The following GAN variants were observed in gnomAD, a reference collection of about 807,000 sequenced individuals.
GAN encodes epididymis secretory sperm binding protein.
Under a neutral mutation model 71.3 loss-of-function variants are expected in GAN, and 48 were observed. The observed-to-expected ratio is 0.67, with a 90% CI of 0.53 to 0.86. The LOEUF (loss-of-function observed/expected upper bound fraction) is 0.86, where lower values mean the gene tolerates loss of function less well. Ranked by LOEUF, GAN falls within the 40% of genes least tolerant of loss-of-function variation. GAN has a pLI of 0.00. For synonymous variants in GAN, 386 were observed against 276.8 expected (o/e 1.39, Z -3.92); for missense variants, 928 against 770.1 (o/e 1.21, Z -2.43).
At chr16:81,354,353 T>G (rs9936546) in intron 2 of GAN, 52 bp from the exon 3 acceptor site, 1 of 1,143,960 alleles carries the variant, frequency 8.7e-7, no homozygotes, top group Admixed American at 1.7e-5. Context: ...GTTAGTGGTT[T>G]GGGTTTTAAA....
intron 1 of GAN, among the ~76,000 whole-genome samples, chr16:81,350,240 G>A (rs183193601): frequency 5.6e-4 from 85 of 152,316 alleles, no homozygotes; most frequent in African/African-American, 2.0e-3. Context: ...GGGAAACGTG[G>A]CTACAAACAT....
chr16:81,361,204 G>A (rs568345262), intron 5 of GAN, among the ~76,000 whole-genome samples: 4 of 152,132 alleles, frequency 2.6e-5, no homozygotes, highest in East Asian at 1.9e-4. Context: ...CAGCCTGGGC[G>A]ACAGAGCAAG....
chr16:81,341,096 A>C (rs1909925876), intron 1 of GAN, among the ~76,000 whole-genome samples: 1 of 151,884 alleles, frequency 6.6e-6, no homozygotes, highest in Admixed American at 6.6e-5. Flanking sequence ...TTAGAGAAAA[A>C]AGGAGTGAAA....
chr16:81,339,074 A>G (rs1173970304), intron 1 of GAN, among the ~76,000 whole-genome samples: 1 of 152,350 alleles, frequency 6.6e-6, no homozygotes, highest in Admixed American at 6.5e-5. Flanking sequence ...CAAAATATTC[A>G]TCTGGGATTA....
Position 81,315,087 on chromosome 16 carries a change from C to A in GAN, c.-27C>A, listed in dbSNP as rs376334758. 2 of 1,464,968 alleles carry A rather than the reference C, an allele frequency of 1.4e-6. No homozygotes were observed. Among genetic ancestry groups the A allele is most frequent in the Non-Finnish European group, 1.8e-6 (2 of 1,102,732 alleles). The allele number at this position is 1,464,968 out of a possible 1,614,324, so 90.7% of individuals were successfully genotyped here. Reference sequence around the variant, plus strand: ...CGGCCGGACGGTGTCGGGAGCCGGACCCGTCGGCAGAGGAGCGGGCGCCGC... The same window carrying A: ...CGGCCGGACGGTGTCGGGAGCCGGAACCGTCGGCAGAGGAGCGGGCGCCGC... On this transcript the variant is annotated 5_prime_UTR_variant, in exon 1 of 11. Coordinates refer to ENST00000648994, the MANE Select transcript of GAN (RefSeq NM_022041.4).
chr16:81,315,150 G>A lies in GAN; in HGVS notation c.37G>A (p.Ala13Thr). ...CAGTGCCGTGTCTGACCCTCAGCAC[G>A]CCGCGCGTCTGCTGCGAGCGCTCAG... is the stretch of plus-strand genomic sequence containing the variant. ...EGSAVSDPQH[A>T]ARLLRALSSF... Residue 13 changes from alanine (A) to threonine (T), a missense_variant, in exon 1 of 11, where the codon GCC (alanine) becomes ACC (threonine). Ala to Thr is a moderately conservative substitution (Grantham distance 58). Coordinates refer to ENST00000648994, the MANE Select transcript of GAN (RefSeq NM_022041.4). The A allele has an allele frequency of 1.3e-6, 2 of 1,545,610 alleles. No homozygotes were observed. The highest frequency in any genetic ancestry group is 1.7e-6 in the Non-Finnish European group (2 of 1,148,006).
In GAN at chr16:81,354,645, C is replaced by A; in HGVS notation, c.523C>A (p.Pro175Thr). ...SSTEEFLELS[P>T]QKLKEVISLE... Reference sequence around the variant, plus strand: ...CACGGAAGAATTCTTAGAGCTGAGTCCTCAAAAGCTTAAAGAAGTGATTTC... The same window carrying A: ...CACGGAAGAATTCTTAGAGCTGAGTACTCAAAAGCTTAAAGAAGTGATTTC... The change falls in exon 3 of 11, where the codon CCT (proline) becomes ACT (threonine). Residue 175 changes from proline (P) to threonine (T), a missense_variant. Transcript: ENST00000648994. The A allele has an allele frequency of 6.2e-7, 1 of 1,612,852 alleles. No individual in the cohort carries two copies. Among genetic ancestry groups the A allele is most frequent in the Non-Finnish European group, 8.5e-7 (1 of 1,178,864 alleles).
intron 1 of GAN, among the ~76,000 whole-genome samples, chr16:81,318,303 T>C (rs1189023156): frequency 1.3e-5 from 2 of 152,214 alleles, no homozygotes; most frequent in Non-Finnish European, 2.9e-5. Context: ...TCTGATTTTG[T>C]TTAATGTCTG....
chr16:81,359,618 C>A (rs145299219), intron 5 of GAN, among the ~76,000 whole-genome samples: 1 of 152,192 alleles, frequency 6.6e-6, no homozygotes, highest in Middle Eastern at 3.4e-3. Context: ...TTTCCATTTT[C>A]CATACTCTTA....
chr16:81,368,651 C>T (rs1325279804), intron 9 of GAN, among the ~76,000 whole-genome samples: 4 of 152,160 alleles, frequency 2.6e-5, no homozygotes. Context: ...TACTTTGCAA[C>T]TCATCAGTTG....
At chr16:81,373,675 A>G (rs558856537) in intron 9 of GAN, among the ~76,000 whole-genome samples, 4 of 152,340 alleles carry the variant, frequency 2.6e-5, no homozygotes, top group South Asian at 2.1e-4. Flanking sequence ...CTCGGTTTCC[A>G]GATCCAATCC....
chr16:81,365,426 G>C lies in GAN; in HGVS notation c.1450G>C (p.Gly484Arg), dbSNP rs542067662. 6.2e-7 allele frequency: 1 copy of C among 1,613,704 alleles called. No individual in the cohort carries two copies. The highest frequency in any genetic ancestry group is 8.5e-7 in the Non-Finnish European group (1 of 1,179,924). ...GGVRSREDAQ[G>R]SEMVTCKSEF... ...AGTCCGAAGTCGTGAGGACGCCCAG[G>C]GTAGCGAGATGGTAACTTGCAAGTC... is the stretch of plus-strand genomic sequence containing the variant. The change falls in exon 9 of 11, where the codon GGT becomes CGT. Residue 484 changes from glycine to arginine, a missense_variant. Coordinates refer to ENST00000648994, the MANE Select transcript of GAN (RefSeq NM_022041.4).
intron 5 of GAN, among the ~76,000 whole-genome samples, chr16:81,358,725 A>G (rs1343832320): frequency 6.6e-6 from 1 of 152,206 alleles, no homozygotes; most frequent in African/African-American, 2.4e-5. Flanking sequence ...ACAAGTTTGA[A>G]AACTGCTCTA....
intron 5 of GAN, among the ~76,000 whole-genome samples, chr16:81,360,540 A>C (rs1597404708): frequency 6.7e-6 from 1 of 149,154 alleles, no homozygotes; most frequent in Admixed American, 6.6e-5. Flanking sequence ...TTTTCTCCTT[A>C]ACTCTGATTA....
At position 81,382,527 on chromosome 16, in the gene GAN, C is replaced by T. The variant is rs969427007; in HGVS notation, c.*4931C>T. The T allele has an allele frequency of 6.6e-6, 1 of 152,084 alleles. No individual in the cohort carries two copies. The highest frequency in any genetic ancestry group is 2.4e-5 in the African/African-American group (1 of 41,404). 9.4% of individuals were successfully genotyped at this position (152,084 alleles called of 1,614,324 possible). A position where few individuals can be genotyped will look rare whatever the true frequency, so the allele number is the denominator to read the frequency against. ...TCATGTATACTTCCCTCTCTTATTC[C>T]ATGTAATTAGTAAGGGAAAATAAAC... On this transcript the variant is annotated 3_prime_UTR_variant, in exon 11 of 11. Coordinates refer to ENST00000648994, the MANE Select transcript of GAN (RefSeq NM_022041.4).
intron 6 of GAN, among the ~76,000 whole-genome samples, chr16:81,363,159 C>T (rs987464833): frequency 1.3e-5 from 2 of 152,256 alleles, no homozygotes; most frequent in Non-Finnish European, 2.9e-5. Context: ...CTGACCCTGT[C>T]CTCCACAGCC....
chr16:81,318,550 C>G (rs1909121285), intron 1 of GAN, among the ~76,000 whole-genome samples: 1 of 152,184 alleles, frequency 6.6e-6, no homozygotes, highest in Admixed American at 6.5e-5. Flanking sequence ...CTTTTGCTTA[C>G]TATGTGCCCA....
chr16:81,362,720 C>T, intron 6 of GAN, 109 bp downstream of exon 6: 1 of 735,054 alleles, frequency 1.4e-6, no homozygotes, highest in East Asian at 2.7e-5. Flanking sequence ...GTCAAGCCAC[C>T]TGCCTCATTC....
At chr16:81,376,463 ATATGTGTGTGTGTGTGTGTGTG>A (rs1904280067) in intron 9 of GAN, among the ~76,000 whole-genome samples, 3 of 90,062 alleles carry the variant, frequency 3.3e-5, no homozygotes, top group African/African-American at 1.1e-4. Flanking sequence ...TTATACATAC[ATATGTGTGTGTGTGTGTGTGTG>A]TGTGTGTGTG....
Sources: allele counts gnomAD v4.1 joint callset (sites outside exome capture counted in the v4.1 genomes callset), GRCh38; gene constraint gnomAD v4.1.1; transcripts MANE v1.5; gene names NCBI Gene and HGNC (gene_info 2026-07-23, HGNC 2026-07-21).